CCDC171: variants seen among roughly 807,000 people sequenced by gnomAD.
CCDC171 encodes the protein coiled-coil domain-containing protein 171.
In CCDC171, 177 loss-of-function variants were observed where a neutral mutation model predicts 168.2. The ratio of observed to expected loss-of-function variants is 1.05; its 90% CI spans 0.93 to 1.19. The LOEUF is 1.19. Among genes scored for constraint, CCDC171 ranks in the 50% most tolerant of loss-of-function variants. The pLI is 0.00. For synonymous variants in CCDC171, 687 were observed against 540.8 expected (o/e 1.27, Z -3.75); for missense variants, 1,991 against 1,539.0 (o/e 1.29, Z -4.91).
At position 15,666,200 on chromosome 9, in the gene CCDC171, A is replaced by T. The variant is rs2048722151; in HGVS notation, c.953A>T (p.Glu318Val). The T allele has an allele frequency of 6.2e-7, 1 of 1,613,760 alleles. No individual in the cohort carries two copies. Among genetic ancestry groups the T allele is most frequent in the Non-Finnish European group, 8.5e-7 (1 of 1,179,906 alleles). ...GACCTTGAAGGAGCTTTGCAAGTAG[A>T]GAAGGCCAGTCAAGCAGAAGCTGTT... The part of the protein sequence containing the change: ...IRDLEGALQV[E>V]KASQAEAVAD... The change falls in exon 9 of 26, where the codon GAG (glutamate) becomes GTG (valine). Residue 318 changes from glutamate (E) to valine (V), a missense_variant. Coordinates refer to ENST00000380701, the MANE Select transcript of CCDC171 (RefSeq NM_173550.4).
the CCDC171 span, among the ~76,000 whole-genome samples, chr9:16,078,597 G>A: frequency 6.6e-6 from 1 of 152,152 alleles, no homozygotes; most frequent in Non-Finnish European, 1.5e-5. Flanking sequence ...TCAATACTTA[G>A]CACTGTGCTA....
rs754185935 is a variant in CCDC171 at position 15,971,567 on chromosome 9, T to G, written c.3754-42T>G. 6 of 1,403,916 alleles carry G rather than the reference T, an allele frequency of 4.3e-6. No homozygotes were observed. The East Asian group carries it at 1.4e-4, about 32-fold the overall frequency. The allele number at this position is 1,403,916 out of a possible 1,614,324, so 87.0% of individuals were successfully genotyped here. A position where few individuals can be genotyped will look rare whatever the true frequency, so the allele number is the denominator to read the frequency against. On this transcript the variant is annotated intron_variant, in intron 25 of 25. Transcript: ENST00000380701. Reference sequence around the variant, plus strand: ...TGGTTTTAGGCTCTATTTGAGAGTTTTCAACTCTATGTTTATTATTTTTTT... The same window carrying G: ...TGGTTTTAGGCTCTATTTGAGAGTTGTCAACTCTATGTTTATTATTTTTTT...
intron 24 of CCDC171, among the ~76,000 whole-genome samples, chr9:15,894,856 C>T (rs995207191): frequency 1.3e-5 from 2 of 152,114 alleles, no homozygotes; most frequent in African/African-American, 4.8e-5. Flanking sequence ...ATATGTTTGG[C>T]TGTTATCTAT....
intron 10 of CCDC171, among the ~76,000 whole-genome samples, chr9:15,692,367 CA>C (rs34322493): frequency 0.93 from 136,965 of 147,396 alleles, 63,655 homozygotes; most frequent in East Asian, 1. Flanking sequence ...TCTGTCTCTT[CA>C]AAAAAAAAAA....
intron 23 of CCDC171, among the ~76,000 whole-genome samples, chr9:15,858,064 C>T (rs1306686730): frequency 6.6e-6 from 1 of 151,932 alleles, no homozygotes; most frequent in East Asian, 1.9e-4. Context: ...TTTGCCCAGG[C>T]TGGAGTGCAG....
intron 18 of CCDC171, among the ~76,000 whole-genome samples, chr9:15,772,414 A>G (rs2135299242): frequency 6.6e-6 from 1 of 152,188 alleles, no homozygotes; most frequent in Admixed American, 6.5e-5. Flanking sequence ...CATTGCTTTG[A>G]AGCAAACATC....
chr9:15,666,104 T>C, intron 8 of CCDC171, 59 bp from the exon 9 acceptor site: 1 of 1,469,258 alleles, frequency 6.8e-7, no homozygotes, highest in Non-Finnish European at 9.4e-7. Flanking sequence ...TTCTACTCAA[T>C]TTAAGATTGA....
intron 18 of CCDC171, among the ~76,000 whole-genome samples, chr9:15,754,095 T>G (rs2055937318): frequency 6.6e-6 from 1 of 152,168 alleles, no homozygotes; most frequent in African/African-American, 2.4e-5. Flanking sequence ...TTCAGAAAGT[T>G]AAAGCGTATG....
intron 18 of CCDC171, among the ~76,000 whole-genome samples, chr9:15,773,449 C>G (rs1182152436): frequency 1.3e-5 from 2 of 152,118 alleles, no homozygotes; most frequent in African/African-American, 2.4e-5. Context: ...GATTTTAGCC[C>G]TAGATGTACA....
chr9:15,746,708 A>C (rs1453862951), intron 18 of CCDC171, among the ~76,000 whole-genome samples: 1 of 152,174 alleles, frequency 6.6e-6, no homozygotes, highest in Non-Finnish European at 1.5e-5. Flanking sequence ...TGATTTCTAC[A>C]TTTCCAACTG....
intron 7 of CCDC171, among the ~76,000 whole-genome samples, chr9:15,623,934 T>G (rs1464393401): frequency 2.0e-5 from 3 of 152,214 alleles, no homozygotes; most frequent in Non-Finnish European, 2.9e-5. Flanking sequence ...ACTTTTAATC[T>G]TAAGAGAAAT....
At chr9:15,938,418 A>G (rs1230728989) in intron 25 of CCDC171, among the ~76,000 whole-genome samples, 1 of 151,862 alleles carries the variant, frequency 6.6e-6, no homozygotes, top group Non-Finnish European at 1.5e-5. Flanking sequence ...AAAGTTTTAC[A>G]GTTTTCTACG....
chr9:15,621,879 C>A (rs1328886153), intron 6 of CCDC171, among the ~76,000 whole-genome samples: 1 of 152,120 alleles, frequency 6.6e-6, no homozygotes, highest in African/African-American at 2.4e-5. Context: ...TGGAGTCAAC[C>A]TAAATGCTTA....
In CCDC171 at chr9:15,564,103, T is replaced by G. The variant is rs373889697; in HGVS notation, c.15T>G (p.Thr5=). Residue 5 remains threonine (T), a synonymous_variant, in exon 2 of 26, where the codon ACT becomes ACG. Transcript: ENST00000380701. MNLN[T]SSNTGDTQRL... ...TGGAAAACATCATGAATTTGAATAC[T>G]TCAAGTAATACTGGTGATACCCAAA... 1.1e-5 allele frequency: 17 copies of G among 1,607,726 alleles called. No individual in the cohort carries two copies. Among genetic ancestry groups the G allele is most frequent in the African/African-American group, 1.3e-5 (1 of 74,640 alleles).
rs140461164 is a variant in CCDC171, at chr9:15,967,448, C to T, written c.3754-4161C>T. Among the ~76,000 whole-genome samples, 615 of 152,290 alleles carry T rather than the reference C, an allele frequency of 4.0e-3. 5 individuals carry two copies. Among genetic ancestry groups the T allele is most frequent in the Non-Finnish European group, 6.2e-3 (425 of 68,010 alleles). ...TCTATTTGGCTTTATTTTAGAACAA[C>T]GTGCAATGTGCAATATGTATTCTTT... is the stretch of plus-strand genomic sequence containing the variant. On this transcript the variant is annotated intron_variant, in intron 25 of 25. Coordinates refer to ENST00000380701, the MANE Select transcript of CCDC171 (RefSeq NM_173550.4).
chr9:15,664,057 A>G (rs900674162), intron 8 of CCDC171, among the ~76,000 whole-genome samples: 1 of 152,146 alleles, frequency 6.6e-6, no homozygotes, highest in Non-Finnish European at 1.5e-5. Flanking sequence ...GAGCTAAATA[A>G]TGTGTACATA....
the CCDC171 span, among the ~76,000 whole-genome samples, chr9:16,103,428 C>A: frequency 6.6e-6 from 1 of 152,094 alleles, no homozygotes; most frequent in African/African-American, 2.4e-5. Flanking sequence ...GGGAAGACAA[C>A]GGCACTTGTC....
intron 3 of CCDC171, among the ~76,000 whole-genome samples, chr9:15,989,646 T>A (rs1832119836): frequency 6.6e-6 from 1 of 150,972 alleles, no homozygotes; most frequent in South Asian, 2.1e-4. Context: ...AGGAGGAAGT[T>A]GGAACCCATC....
At chr9:15,647,671 C>G (rs558640820) in intron 7 of CCDC171, among the ~76,000 whole-genome samples, 1 of 152,286 alleles carries the variant, frequency 6.6e-6, no homozygotes, top group East Asian at 1.9e-4. Context: ...TTCCTGGACA[C>G]ATACACTCTC....
Sources: gnomAD v4.1 joint callset for allele counts (sites outside exome capture counted in the v4.1 genomes callset) on GRCh38, gnomAD v4.1.1 for gene constraint, MANE v1.5 for transcripts, NCBI Gene and HGNC (gene_info 2026-07-23, HGNC 2026-07-21) for gene names.